The following BIRC6 variants were observed in gnomAD, a reference collection of about 807,000 sequenced individuals.
The protein encoded by BIRC6 is baculoviral IAP repeat containing 6, also known as dual E2 ubiquitin-conjugating enzyme/E3 ubiquitin-protein ligase BIRC6.
Under a neutral mutation model 503.3 loss-of-function variants are expected in BIRC6, and 98 were observed. That is an observed-to-expected ratio of 0.19 (90% CI 0.17 to 0.23). The LOEUF is 0.23. BIRC6 is among the 10% of genes least tolerant of loss of function. BIRC6 has a pLI of 1.00. For synonymous variants in BIRC6, 2,240 were observed against 2,078.7 expected, an observed-to-expected ratio of 1.08 and a Z score of -2.11; for missense variants, 5,360 against 5,806.0, an observed-to-expected ratio of 0.92 and a Z score of 2.50.
At chr2:32,361,399 A>G (rs977747240) in intron 1 of BIRC6, among the ~76,000 whole-genome samples, 1 of 152,188 alleles carries the variant, frequency 6.6e-6, no homozygotes, top group Admixed American at 6.5e-5. Context: ...TTAACAACAA[A>G]ATTGAGCAGA....
At chr2:32,474,340 T>C (rs1440415019) in intron 33 of BIRC6, among the ~76,000 whole-genome samples, 1 of 152,210 alleles carries the variant, frequency 6.6e-6, no homozygotes, top group Non-Finnish European at 1.5e-5. Context: ...TAACCAATTT[T>C]AGGTAGTAGT....
chr2:32,501,100 T>A (rs1354816653), intron 46 of BIRC6, among the ~76,000 whole-genome samples: 1 of 152,240 alleles, frequency 6.6e-6, no homozygotes, highest in Admixed American at 6.5e-5. Context: ...GTTGCTTAAC[T>A]CTTTTACCTC....
At chr2:32,511,770 T>C (rs906653302) in intron 53 of BIRC6, among the ~76,000 whole-genome samples, 2 of 150,446 alleles carry the variant, frequency 1.3e-5, no homozygotes, top group Non-Finnish European at 2.9e-5. Context: ...AATATTTTGA[T>C]TAATTATGTT....
intron 68 of BIRC6, among the ~76,000 whole-genome samples, chr2:32,597,476 G>A (rs896829296): frequency 8.5e-5 from 13 of 152,208 alleles, no homozygotes; most frequent in African/African-American, 3.1e-4. Flanking sequence ...ATAGTAATGG[G>A]CCCATTTCTT....
At position 32,518,844 on chromosome 2, in the gene BIRC6, A is replaced by G; in HGVS notation, c.11521A>G (p.Ser3841Gly). 6.2e-7 allele frequency: 1 copy of G among 1,613,520 alleles called. No individual in the cohort carries two copies. The highest frequency in any genetic ancestry group is 1.1e-5 in the South Asian group (1 of 91,074). The part of the protein sequence containing the change: ...PLYKGRINAT[S>G]HVIQHPMYGA... ...GTACAAAGGTAGAATTAATGCTACT[A>G]GCCACGTCATCCAGCATCCAATGTA... Residue 3841 changes from serine (S) to glycine (G), a missense_variant, in exon 57 of 74, where the codon AGC (serine) becomes GGC (glycine). Around this residue, in one of 16 missense-constraint regions of BIRC6, gnomAD observed 878 missense variants for 928.9 expected, o/e 0.95. Transcript: ENST00000421745.
intron 71 of BIRC6, among the ~76,000 whole-genome samples, chr2:32,605,406 C>CT (rs1469864926): frequency 3.9e-5 from 6 of 152,096 alleles, no homozygotes; most frequent in African/African-American, 1.2e-4. Flanking sequence ...TAAAAGAGTC[C>CT]TTTTTTATAA....
At chr2:32,595,532 T>G (rs754208549) in intron 68 of BIRC6, among the ~76,000 whole-genome samples, 4 of 152,206 alleles carry the variant, frequency 2.6e-5, no homozygotes, top group Non-Finnish European at 5.9e-5. Context: ...CTTTAGAAAA[T>G]GTAGTTATAC....
intron 12 of BIRC6, among the ~76,000 whole-genome samples, chr2:32,433,259 A>T (rs2044337250): frequency 6.6e-6 from 1 of 152,186 alleles, no homozygotes; most frequent in South Asian, 2.1e-4. Context: ...TATATATAGC[A>T]TTTAAAACCC....
At chr2:32,487,916 C>A in intron 41 of BIRC6, 115 bp downstream of exon 41, 4 of 832,372 alleles carry the variant, frequency 4.8e-6, no homozygotes, top group South Asian at 2.0e-5. Context: ...TTATTATATT[C>A]AGTTGGAAAA....
At chr2:32,583,484 C>T (rs1381832406) in intron 66 of BIRC6, among the ~76,000 whole-genome samples, 1 of 152,110 alleles carries the variant, frequency 6.6e-6, no homozygotes, top group Non-Finnish European at 1.5e-5. Context: ...GAATTAAGGC[C>T]ATTTCTGAGA....
intron 15 of BIRC6, among the ~76,000 whole-genome samples, chr2:32,437,214 C>T (rs2044824971): frequency 6.6e-6 from 1 of 152,050 alleles, no homozygotes; most frequent in South Asian, 2.1e-4. Context: ...ATTAGAAGAG[C>T]TTCGCCAGTA....
chr2:32,413,666 G>C (rs1337406387), intron 9 of BIRC6, among the ~76,000 whole-genome samples: 1 of 147,498 alleles, frequency 6.8e-6, no homozygotes, highest in African/African-American at 2.5e-5. Flanking sequence ...CGGTTTTTCT[G>C]AGTAAGCTCA....
intron 71 of BIRC6, among the ~76,000 whole-genome samples, chr2:32,603,754 G>A (rs1170112867): frequency 1.3e-5 from 2 of 151,656 alleles, no homozygotes; most frequent in African/African-American, 4.8e-5. Flanking sequence ...AAAAACGAAA[G>A]GGACAGTAAA....
At chr2:32,490,302 C>G (rs769869764) in intron 43 of BIRC6, among the ~76,000 whole-genome samples, 151 bp downstream of exon 43, 4 of 152,178 alleles carry the variant, frequency 2.6e-5, no homozygotes, top group Non-Finnish European at 2.9e-5. Flanking sequence ...AAACCCAGCA[C>G]TTTGGGAGGC....
chr2:32,363,308 C>T (rs1194573623), intron 1 of BIRC6, among the ~76,000 whole-genome samples: 1 of 152,124 alleles, frequency 6.6e-6, no homozygotes, highest in East Asian at 1.9e-4. Context: ...GGCAACAGAG[C>T]AAGACTCTGT....
intron 70 of BIRC6, among the ~76,000 whole-genome samples, chr2:32,600,564 G>A (rs1039152737): frequency 3.9e-5 from 6 of 152,170 alleles, no homozygotes; most frequent in Admixed American, 6.5e-5. Flanking sequence ...ACAAAGAACA[G>A]GTTTTCTGTA....
At position 32,429,302 on chromosome 2, in the gene BIRC6, T is replaced by G; in HGVS notation, c.3022+7T>G. The G allele has an allele frequency of 6.8e-7, 1 of 1,480,248 alleles. No individual in the cohort carries two copies. The highest frequency in any genetic ancestry group is 8.9e-7 in the Non-Finnish European group (1 of 1,117,938). 91.7% of individuals were successfully genotyped at this position (1,480,248 alleles called of 1,614,324 possible). A position where few individuals can be genotyped will look rare whatever the true frequency, so the allele number is the denominator to read the frequency against. ...TCAAGTCCTGGCATTTCAGGTATGA[T>G]ATTAAATTTTTAAATGATTTTAAAA... is the stretch of plus-strand genomic sequence containing the variant. On this transcript the variant is annotated splice_region_variant and intron_variant, in intron 11 of 73. Transcript: ENST00000421745.
chr2:32,363,721 T>C (rs1052416173), intron 1 of BIRC6, among the ~76,000 whole-genome samples: 2 of 152,212 alleles, frequency 1.3e-5, no homozygotes, highest in Non-Finnish European at 2.9e-5. Flanking sequence ...GAACCTCAGC[T>C]TCCTCATCTG....
At position 32,488,445 on chromosome 2, in the gene BIRC6, A is replaced by C. The variant is rs1018077216; in HGVS notation, c.7969-143A>C. ...CTGATCAACTAATTTAATTAACTAG[A>C]AGATGCTTTTAAGTGTGAAGAAGTG... On this transcript the variant is annotated intron_variant, in intron 41 of 73. Coordinates refer to ENST00000421745, the MANE Select transcript of BIRC6 (RefSeq NM_016252.4). The C allele has an allele frequency of 1.4e-5, 8 of 558,346 alleles. No individual in the cohort carries two copies. The African/African-American group carries it at 1.6e-4, about 11-fold the overall frequency. 34.6% of individuals were successfully genotyped at this position (558,346 alleles called of 1,614,324 possible).
Sources: allele counts gnomAD v4.1 joint callset (sites outside exome capture counted in the v4.1 genomes callset), GRCh38; gene constraint gnomAD v4.1.1; regional missense constraint gnomAD v4.1.1; transcripts MANE v1.5; gene names NCBI Gene and HGNC (gene_info 2026-07-23, HGNC 2026-07-21).